SHISA9: variants seen among roughly 807,000 people sequenced by gnomAD.
SHISA9 encodes the protein shisa family member 9, also known as protein shisa-9.
Under a neutral mutation model 38.0 loss-of-function variants are expected in SHISA9, and 13 were observed. The observed-to-expected ratio is 0.34, with a 90% CI of 0.22 to 0.54. SHISA9 has a LOEUF of 0.54. Ranked by LOEUF, SHISA9 falls within the 20% of genes least tolerant of loss-of-function variation. The pLI is 0.91. For missense variants in SHISA9, 538 were observed against 575.8 expected (o/e 0.93, Z 0.67); for synonymous variants, 275 against 242.0 (o/e 1.14, Z -1.27).
chr16:13,011,590 C>T (rs189552916), intron 2 of SHISA9, among the ~76,000 whole-genome samples: 24 of 152,238 alleles, frequency 1.6e-4, no homozygotes, highest in African/African-American at 2.4e-4. Flanking sequence ...GGTGCCATCT[C>T]GGCTCACTGC....
chr16:13,081,406 C>T (rs2073648176), intron 2 of SHISA9, among the ~76,000 whole-genome samples: 1 of 152,186 alleles, frequency 6.6e-6, no homozygotes, highest in African/African-American at 2.4e-5. Flanking sequence ...GCTGACAAGC[C>T]AGTCCTCACG....
intron 2 of SHISA9, among the ~76,000 whole-genome samples, chr16:13,051,506 G>A (rs1439836297): frequency 6.6e-6 from 1 of 152,150 alleles, no homozygotes; most frequent in Non-Finnish European, 1.5e-5. Context: ...TCAATTTGGG[G>A]TTCAGAAAAT....
At chr16:13,369,655 T>G in the SHISA9 span, among the ~76,000 whole-genome samples, 156 of 152,124 alleles carry the variant, frequency 1.0e-3, no homozygotes, top group Non-Finnish European at 1.8e-3. Context: ...TTGTGCCAAC[T>G]GCATCATAAT....
At chr16:13,536,830 T>C in the SHISA9 span, among the ~76,000 whole-genome samples, 1 of 152,184 alleles carries the variant, frequency 6.6e-6, no homozygotes, top group Non-Finnish European at 1.5e-5. Flanking sequence ...TTACATCTTT[T>C]CTGGGGTCGT....
the SHISA9 span, among the ~76,000 whole-genome samples, chr16:13,485,248 G>A: frequency 6.6e-6 from 1 of 151,700 alleles, no homozygotes; most frequent in African/African-American, 2.4e-5. Flanking sequence ...GTGTCCATGT[G>A]TTCTCATTGG....
chr16:13,513,768 C>G, the SHISA9 span, among the ~76,000 whole-genome samples: 662 of 152,192 alleles, frequency 4.3e-3, 4 homozygotes, highest in African/African-American at 0.015. Flanking sequence ...TTGTTGCTCA[C>G]AAGTGGAAGT....
chr16:12,941,474 G>A (rs575712558), intron 2 of SHISA9, among the ~76,000 whole-genome samples: 7 of 152,286 alleles, frequency 4.6e-5, no homozygotes, highest in Admixed American at 2.0e-4. Context: ...TAATCACATC[G>A]TGGAAAATGG....
chr16:13,536,001 C>CT, the SHISA9 span, among the ~76,000 whole-genome samples: 2,822 of 144,690 alleles, frequency 0.02, 86 homozygotes, highest in African/African-American at 0.068. Flanking sequence ...ATATTTTTTT[C>CT]TTTTTTTTTT....
the SHISA9 span, among the ~76,000 whole-genome samples, chr16:13,265,304 C>T: frequency 8.3e-6 from 1 of 120,578 alleles, no homozygotes; most frequent in Non-Finnish European, 1.8e-5. Flanking sequence ...CCTTCCCTCC[C>T]CTCTGCCCTC....
the SHISA9 span, among the ~76,000 whole-genome samples, chr16:13,289,853 G>C: frequency 1.3e-5 from 2 of 152,210 alleles, no homozygotes; most frequent in East Asian, 3.9e-4. Context: ...ATTCTCTTTT[G>C]CCTAAGCTAG....
intron 4 of SHISA9, among the ~76,000 whole-genome samples, chr16:13,226,428 G>A (rs992506916): frequency 1.3e-5 from 2 of 152,176 alleles, no homozygotes; most frequent in African/African-American, 4.8e-5. Context: ...AGGCATGAAT[G>A]ATATAATCTT....
chr16:13,330,066 T>C, the SHISA9 span, among the ~76,000 whole-genome samples: 6 of 152,364 alleles, frequency 3.9e-5, no homozygotes, highest in East Asian at 1.9e-4. Flanking sequence ...AGTGTCCATC[T>C]CAGGGCTAAC....
chr16:13,055,672 C>T (rs2073302251), intron 2 of SHISA9, among the ~76,000 whole-genome samples: 1 of 152,208 alleles, frequency 6.6e-6, no homozygotes, highest in Admixed American at 6.5e-5. Flanking sequence ...TCCATGCCCA[C>T]TCACCCTCTT....
the SHISA9 span, among the ~76,000 whole-genome samples, chr16:13,520,752 A>G: frequency 2.0e-5 from 3 of 151,940 alleles, no homozygotes; most frequent in East Asian, 5.8e-4. Flanking sequence ...GTCCTGCTGG[A>G]CTGAAGTCAC....
At chr16:13,091,318 TG>T (rs571282605) in intron 2 of SHISA9, among the ~76,000 whole-genome samples, 111 of 152,340 alleles carry the variant, frequency 7.3e-4, no homozygotes, top group African/African-American at 2.5e-3. Flanking sequence ...TGGTGTTCTT[TG>T]TATTTCCTGA....
the SHISA9 span, among the ~76,000 whole-genome samples, chr16:13,408,088 G>C: frequency 6.6e-6 from 1 of 152,156 alleles, no homozygotes; most frequent in South Asian, 2.1e-4. Context: ...TTGCTGTGCA[G>C]AAGCTCTTTA....
At chr16:12,941,517 T>C (rs1046127289) in intron 2 of SHISA9, among the ~76,000 whole-genome samples, 15 of 152,226 alleles carry the variant, frequency 9.9e-5, no homozygotes, top group African/African-American at 3.1e-4. Flanking sequence ...TTATCATTTG[T>C]GTTACAAACA....
the SHISA9 span, among the ~76,000 whole-genome samples, chr16:13,370,333 G>C: frequency 6.6e-6 from 1 of 152,190 alleles, no homozygotes; most frequent in African/African-American, 2.4e-5. Flanking sequence ...GAAATCATAT[G>C]ATATGGGGAC....
chr16:13,544,321 A>G, the SHISA9 span, among the ~76,000 whole-genome samples: 2 of 149,072 alleles, frequency 1.3e-5, no homozygotes, highest in African/African-American at 4.9e-5. Context: ...AGGGTAAAGT[A>G]CCAGTTAATT....
Sources: gnomAD v4.1 joint callset for allele counts (sites outside exome capture counted in the v4.1 genomes callset) on GRCh38, gnomAD v4.1.1 for gene constraint, MANE v1.5 for transcripts, NCBI Gene and HGNC (gene_info 2026-07-23, HGNC 2026-07-21) for gene names.